FLYWCH1: variants seen among roughly 807,000 people sequenced by gnomAD.
FLYWCH1 encodes the protein FLYWCH-type zinc finger 1, also known as FLYWCH-type zinc finger-containing protein 1.
In FLYWCH1, 75 loss-of-function variants were observed where a neutral mutation model predicts 66.4. That is an observed-to-expected ratio of 1.13 (90% CI 0.94 to 1.37). FLYWCH1 has a LOEUF of 1.37. Ranked by LOEUF, FLYWCH1 falls within the 40% of genes most tolerant of loss-of-function variation. FLYWCH1 has a pLI of 0.00. For synonymous variants in FLYWCH1, 595 were observed against 429.9 expected (o/e 1.38, Z -4.75); for missense variants, 1,334 against 1,001.8 (o/e 1.33, Z -4.48).
At position 2,938,312 on chromosome 16, in the gene FLYWCH1, C is replaced by T. The variant is rs755641940; in HGVS notation, c.1906C>T (p.Arg636Trp). The T allele has an allele frequency of 6.2e-6, 10 of 1,608,848 alleles. No homozygotes were observed. The highest frequency in any genetic ancestry group is 2.2e-5 in the South Asian group (2 of 90,816). The change falls in exon 8 of 10, where the codon CGG (arginine) becomes TGG (tryptophan). Residue 636 changes from arginine (R) to tryptophan (W), a missense_variant. Arg to Trp is a moderately radical substitution (Grantham distance 101). Coordinates refer to ENST00000253928, the MANE Select transcript of FLYWCH1 (RefSeq NM_001308068.2). ...GTACTGGATGTGCCGGGACCAGGCT[C>T]GGCTGGGCTGCCGCAGCCGCGCCAT... ...KVYWMCRDQA[R>W]LGCRSRAITQ...
chr16:2,924,922 A>T (rs1395195747), intron 2 of FLYWCH1, among the ~76,000 whole-genome samples: 3 of 152,082 alleles, frequency 2.0e-5, no homozygotes, highest in African/African-American at 7.2e-5. Flanking sequence ...TCGCCAGAGG[A>T]CTGCGCTCTC....
At chr16:2,942,565 A>G (rs74907484) in intron 9 of FLYWCH1, among the ~76,000 whole-genome samples, 5,313 of 150,310 alleles carry the variant, frequency 0.035, 315 homozygotes, top group African/African-American at 0.12. Flanking sequence ...AACAGAATCC[A>G]GCAACATAAA....
Position 2,930,497 on chromosome 16 carries a change from C to T in FLYWCH1, c.413C>T (p.Ala138Val), listed in dbSNP as rs1350160518. 5.9e-6 allele frequency: 9 copies of T among 1,532,770 alleles called. No individual in the cohort carries two copies. The East Asian group carries it at 1.2e-4, about 20-fold the overall frequency. 94.9% of individuals were successfully genotyped at this position (1,532,770 alleles called of 1,614,324 possible). ...TCCTTCCTGTACAAGCAGGAGAAGGCAGTGGGGGACAAGGTGTACTGGAAG... is the reference window on the plus strand; with the variant it reads ...TCCTTCCTGTACAAGCAGGAGAAGGTAGTGGGGGACAAGGTGTACTGGAAG... ...LESFLYKQEK[A>V]VGDKVYWKCR... Residue 138 changes from alanine (A) to valine (V), a missense_variant, in exon 4 of 10, where the codon GCA becomes GTA. Transcript: ENST00000253928.
chr16:2,936,806 A>T, intron 6 of FLYWCH1: 2 of 558,578 alleles, frequency 3.6e-6, no homozygotes, highest in Non-Finnish European at 6.8e-6. Flanking sequence ...CGCACCCTGC[A>T]TGCAAGCCTG....
At chr16:2,936,760 G>C in intron 6 of FLYWCH1, 1 of 495,436 alleles carries the variant, frequency 2.0e-6, no homozygotes, top group African/African-American at 1.9e-5. Context: ...TGTCCCCAGA[G>C]GGCCCCGGGT....
At chr16:2,933,058 A>G (rs2070827344) in intron 4 of FLYWCH1, 72 bp from the exon 5 acceptor site, 2 of 1,347,888 alleles carry the variant, frequency 1.5e-6, no homozygotes, top group Non-Finnish European at 2.0e-6. Context: ...CAGCCCCCAC[A>G]GTCTGCAGGG....
At chr16:2,933,690 C>G (rs759378587) in intron 5 of FLYWCH1, 26 bp from the exon 6 acceptor site, 2 of 1,602,080 alleles carry the variant, frequency 1.2e-6, no homozygotes, top group Admixed American at 1.7e-5. Flanking sequence ...TGTCCCCTCC[C>G]CTGACTGCCT....
chr16:2,947,337 G>T (rs1207221883), intron 9 of FLYWCH1, among the ~76,000 whole-genome samples: 2 of 152,188 alleles, frequency 1.3e-5, no homozygotes, highest in Non-Finnish European at 2.9e-5. Context: ...GTGACACTAA[G>T]GATTTGGGGT....
At chr16:2,942,267 C>A (rs2071299363) in intron 9 of FLYWCH1, among the ~76,000 whole-genome samples, 1 of 151,488 alleles carries the variant, frequency 6.6e-6, no homozygotes, top group African/African-American at 2.4e-5. Flanking sequence ...TGAACCTCAC[C>A]CTCCTGAGTA....
intron 8 of FLYWCH1, 30 bp downstream of exon 8, chr16:2,938,486 G>T: frequency 2.0e-6 from 3 of 1,500,662 alleles, no homozygotes; most frequent in Non-Finnish European, 8.9e-7. Flanking sequence ...CAGAGGCAGG[G>T]CTGTGGGCAT....
intron 2 of FLYWCH1, among the ~76,000 whole-genome samples, chr16:2,919,561 G>T (rs1047470562): frequency 2.0e-5 from 3 of 152,060 alleles, no homozygotes; most frequent in Non-Finnish European, 4.4e-5. Context: ...ACCGCGTCTG[G>T]CCTATTTTTT....
At position 2,937,211 on chromosome 16, in the gene FLYWCH1, A is replaced by T. The variant is rs764504539; in HGVS notation, c.1604A>T (p.Lys535Met). The change falls in exon 7 of 10, where the codon AAG becomes ATG. Residue 535 changes from lysine to methionine, a missense_variant. Lys to Met is a moderately conservative substitution (Grantham distance 95, BLOSUM62 -1). Coordinates refer to ENST00000253928, the MANE Select transcript of FLYWCH1 (RefSeq NM_001308068.2). ...LYRREKAAGE[K>M]VYWTCRDQAR... ...CGGCGGGAGAAGGCGGCCGGGGAGA[A>T]GGTGTATTGGACCTGCCGGGACCAG... 5.6e-6 allele frequency: 9 copies of T among 1,603,488 alleles called. No homozygotes were observed. Among genetic ancestry groups the T allele is most frequent in the African/African-American group, 1.3e-5 (1 of 74,618 alleles).
chr16:2,944,158 G>A (rs914998839), intron 9 of FLYWCH1, among the ~76,000 whole-genome samples: 3 of 151,744 alleles, frequency 2.0e-5, no homozygotes, highest in Non-Finnish European at 2.9e-5. Flanking sequence ...AGGCTGAGGC[G>A]GGCGGATCAC....
Position 2,948,678 on chromosome 16 carries a change from T to C in FLYWCH1, c.2112-10T>C. On this transcript the variant is annotated splice_polypyrimidine_tract_variant and intron_variant, in intron 9 of 9. Coordinates refer to ENST00000253928, the MANE Select transcript of FLYWCH1 (RefSeq NM_001308068.2). ...ATGTGTGCAATGAACATGTGTCTCT[T>C]TGTAATTAGGGACATCAAAGACGTC... 1 of 1,613,172 alleles carries C rather than the reference T, an allele frequency of 6.2e-7. No homozygotes were observed. Among genetic ancestry groups the C allele is most frequent in the African/African-American group, 1.3e-5 (1 of 75,030 alleles).
chr16:2,929,763 G>A lies in FLYWCH1; in HGVS notation c.78G>A (p.Thr26=), dbSNP rs376488136. Residue 26 remains threonine, a synonymous_variant, in exon 3 of 10, where the codon ACG becomes ACA. Transcript: ENST00000253928. ...AGGAGCCATCCCCCAAGCCAGGCAC[G>A]GACGTCATCCCGGCAGCCCCCAGGA... The part of the protein sequence containing the change: ...AGQEPSPKPG[T]DVIPAAPRKP... The A allele has an allele frequency of 8.6e-5, 139 of 1,613,736 alleles. No homozygotes were observed. The Admixed American group carries it at 1.1e-3, about 13-fold the overall frequency.
intron 9 of FLYWCH1, among the ~76,000 whole-genome samples, chr16:2,944,528 G>C (rs1337046846): frequency 6.6e-6 from 1 of 151,592 alleles, no homozygotes; most frequent in African/African-American, 2.4e-5. Context: ...TATTTAAAAA[G>C]TCAACTGTAG....
At position 2,937,290 on chromosome 16, in the gene FLYWCH1, C is replaced by A; in HGVS notation, c.1683C>A (p.Val561=). Residue 561 remains valine (V), a synonymous_variant, in exon 7 of 10, where the codon GTC becomes GTA. Transcript: ENST00000253928. ...RAITQGRRVM[V]MRRHCHPPDL... ...TCACCCAGGGCCGGCGGGTCATGGT[C>A]ATGCGCAGGCACTGCCACCCACCGG... The A allele has an allele frequency of 6.2e-7, 1 of 1,604,110 alleles. No individual in the cohort carries two copies.
chr16:2,941,333 A>ATACTT (rs1469931891), intron 9 of FLYWCH1, among the ~76,000 whole-genome samples: 1 of 152,202 alleles, frequency 6.6e-6, no homozygotes, highest in African/African-American at 2.4e-5. Flanking sequence ...TAATTATAAA[A>ATACTT]TACTTTGAAA....
intron 6 of FLYWCH1, chr16:2,936,034 T>G (rs2070984642): frequency 5.2e-6 from 1 of 193,926 alleles, no homozygotes; most frequent in Non-Finnish European, 1.1e-5. Context: ...CTCAGCCTTC[T>G]GAGTAGCTGG....
Sources: gnomAD v4.1 joint callset for allele counts (sites outside exome capture counted in the v4.1 genomes callset) on GRCh38, gnomAD v4.1.1 for gene constraint, MANE v1.5 for transcripts, NCBI Gene and HGNC (gene_info 2026-07-23, HGNC 2026-07-21) for gene names.